The following KATNBL1 variants were observed in gnomAD, a reference collection of about 807,000 sequenced individuals.
The protein encoded by KATNBL1 is katanin regulatory subunit B1 like 1.
Under a neutral mutation model 44.7 loss-of-function variants are expected in KATNBL1, and 28 were observed. The ratio of observed to expected loss-of-function variants is 0.63; its 90% CI spans 0.46 to 0.86. The LOEUF (loss-of-function observed/expected upper bound fraction) is 0.86. KATNBL1 is among the 40% of genes least tolerant of loss of function. The pLI is 0.00. For missense variants in KATNBL1, 272 were observed against 350.7 expected (o/e 0.78, Z 1.79); for synonymous variants, 78 against 114.9 (o/e 0.68, Z 2.06).
chr15:34,191,144 A>T (rs1326097690), intron 1 of KATNBL1, among the ~76,000 whole-genome samples: 2 of 116,354 alleles, frequency 1.7e-5, no homozygotes, highest in Non-Finnish European at 3.5e-5. Flanking sequence ...ATTTCATATA[A>T]ATCATAGACC....
intron 2 of KATNBL1, among the ~76,000 whole-genome samples, chr15:34,162,368 G>A (rs574491039): frequency 2.6e-5 from 4 of 152,116 alleles, no homozygotes; most frequent in African/African-American, 7.2e-5. Flanking sequence ...CTGCTGCCAC[G>A]TATGTAAAAT....
At chr15:34,194,841 G>A (rs1267473335) in intron 1 of KATNBL1, among the ~76,000 whole-genome samples, 1 of 152,140 alleles carries the variant, frequency 6.6e-6, no homozygotes, top group Non-Finnish European at 1.5e-5. Flanking sequence ...TGGCCAAGAA[G>A]CATGTGAACA....
chr15:34,207,352 G>A (rs1454315694), intron 1 of KATNBL1, among the ~76,000 whole-genome samples: 1 of 151,558 alleles, frequency 6.6e-6, no homozygotes, highest in African/African-American at 2.4e-5. Flanking sequence ...GGAACTACAG[G>A]CGTGTGACAC....
chr15:34,159,758 G>GA (rs1284009073), intron 2 of KATNBL1, among the ~76,000 whole-genome samples: 1 of 152,130 alleles, frequency 6.6e-6, no homozygotes, highest in Non-Finnish European at 1.5e-5. Flanking sequence ...CCTAATTTTA[G>GA]AATTAATTCT....
chr15:34,189,071 G>A (rs571325102), intron 1 of KATNBL1, among the ~76,000 whole-genome samples: 164 of 152,156 alleles, frequency 1.1e-3, no homozygotes, highest in Non-Finnish European at 1.6e-3. Flanking sequence ...TCGCTCTGTC[G>A]CCAGGCTGGA....
chr15:34,148,795 G>C (rs762827424), intron 4 of KATNBL1, 45 bp from the exon 5 acceptor site: 2 of 1,047,438 alleles, frequency 1.9e-6, no homozygotes, highest in Non-Finnish European at 3.0e-6. Flanking sequence ...ACTGAAACAG[G>C]GTATGAAACT....
intron 1 of KATNBL1, among the ~76,000 whole-genome samples, chr15:34,188,326 C>T (rs8028027): frequency 0.54 from 80,943 of 151,122 alleles, 23,184 homozygotes; most frequent in Admixed American, 0.63. Flanking sequence ...GAGGTTGAGG[C>T]GGACAGATCA....
intron 1 of KATNBL1, among the ~76,000 whole-genome samples, chr15:34,172,498 C>G (rs1047994479): frequency 2.0e-5 from 3 of 152,078 alleles, no homozygotes; most frequent in African/African-American, 7.2e-5. Context: ...TTCAAGTGAT[C>G]CACCCACCTT....
At chr15:34,166,926 A>C (rs1888995777) in intron 1 of KATNBL1, among the ~76,000 whole-genome samples, 1 of 152,188 alleles carries the variant, frequency 6.6e-6, no homozygotes, top group Non-Finnish European at 1.5e-5. Context: ...ATCCACACCA[A>C]AACCCCATCC....
chr15:34,198,105 T>A (rs1890074529), intron 1 of KATNBL1, among the ~76,000 whole-genome samples: 1 of 152,152 alleles, frequency 6.6e-6, no homozygotes, highest in African/African-American at 2.4e-5. Context: ...TAGGAACTGA[T>A]AAATTAAAGC....
chr15:34,149,553 T>C (rs952572531), intron 4 of KATNBL1, among the ~76,000 whole-genome samples: 2 of 151,942 alleles, frequency 1.3e-5, no homozygotes, highest in African/African-American at 4.8e-5. Context: ...CCTCCCCGAG[T>C]AGCTGGGATT....
chr15:34,191,953 CAAAA>C (rs572381001), intron 1 of KATNBL1, among the ~76,000 whole-genome samples: 11 of 90,644 alleles, frequency 1.2e-4, no homozygotes, highest in Middle Eastern at 5.8e-3. Flanking sequence ...GACTCCATCT[CAAAA>C]AAAAAAAAAA....
chr15:34,143,793 C>CAAAAAAAAAAAAA (rs560420668), intron 9 of KATNBL1, among the ~76,000 whole-genome samples: 3 of 64,146 alleles, frequency 4.7e-5, no homozygotes, highest in African/African-American at 6.1e-5. Context: ...ACTAAAAATA[C>CAAAAAAAAAAAAA]AAAAAAAAAA....
intron 1 of KATNBL1, among the ~76,000 whole-genome samples, chr15:34,178,674 T>G (rs1279055893): frequency 9.6e-5 from 14 of 145,254 alleles, no homozygotes; most frequent in Non-Finnish European, 1.9e-4. Flanking sequence ...GAGAATGGCA[T>G]GAACCCAGGA....
intron 1 of KATNBL1, chr15:34,165,796 A>T (rs1345981881): frequency 6.6e-6 from 1 of 152,192 alleles, no homozygotes; most frequent in African/African-American, 2.4e-5. Flanking sequence ...TCTGTCTCGA[A>T]AAAATAATAA....
At chr15:34,201,037 G>T (rs1002652606) in intron 1 of KATNBL1, among the ~76,000 whole-genome samples, 1 of 151,952 alleles carries the variant, frequency 6.6e-6, no homozygotes, top group South Asian at 2.1e-4. Context: ...GAATGGTCTC[G>T]ATCTCCTGAC....
intron 1 of KATNBL1, among the ~76,000 whole-genome samples, chr15:34,185,220 T>C (rs1889684961): frequency 6.6e-6 from 1 of 152,204 alleles, no homozygotes; most frequent in South Asian, 2.1e-4. Flanking sequence ...TCTGCTTGCC[T>C]TGGCCTCCCA....
intron 1 of KATNBL1, among the ~76,000 whole-genome samples, chr15:34,207,092 T>C (rs1400332330): frequency 6.7e-6 from 1 of 150,262 alleles, no homozygotes; most frequent in Non-Finnish European, 1.5e-5. Context: ...CAGGCTGGAG[T>C]GCAGTGATAT....
At position 34,185,785 on chromosome 15, in the gene KATNBL1, A is replaced by G. The variant is rs903064636; in HGVS notation, c.-14-22095T>C. Among the ~76,000 whole-genome samples, 5 of 152,184 alleles carry G rather than the reference A, an allele frequency of 3.3e-5. 1 individual carries two copies. Among genetic ancestry groups the G allele is most frequent in the Admixed American group, 6.5e-5 (1 of 15,284 alleles). ...TATAGCAGGGAAGAAATGTAACTAC[A>G]TGCAGGAAAACAGGAATTAGGGAGG... On this transcript the variant is annotated intron_variant, in intron 1 of 9. Coordinates refer to ENST00000256544, the MANE Select transcript of KATNBL1 (RefSeq NM_024713.3).
Sources: gnomAD v4.1 joint callset for allele counts (sites outside exome capture counted in the v4.1 genomes callset) on GRCh38, gnomAD v4.1.1 for gene constraint, MANE v1.5 for transcripts, NCBI Gene and HGNC (gene_info 2026-07-23, HGNC 2026-07-21) for gene names.